Variants in CEP135 observed in about 807,000 individuals in gnomAD.
The protein encoded by CEP135 is centrosomal protein 135.
In CEP135, 142 loss-of-function variants were observed where a neutral mutation model predicts 157.3. The ratio of observed to expected loss-of-function variants is 0.90; its 90% CI spans 0.79 to 1.04. The LOEUF (loss-of-function observed/expected upper bound fraction) is 1.04, where lower values mean the gene tolerates loss of function less well. Among genes scored for constraint, CEP135 ranks in the 50% least tolerant of loss-of-function variants. CEP135 has a pLI of 0.00. For missense variants in CEP135, 1,317 were observed against 1,309.2 expected, an observed-to-expected ratio of 1.01 and a Z score of -0.09; for synonymous variants, 396 against 439.8, an observed-to-expected ratio of 0.90 and a Z score of 1.25.
At chr4:55,967,818 A>G (rs533217993) in intron 8 of CEP135, among the ~76,000 whole-genome samples, 4 of 152,294 alleles carry the variant, frequency 2.6e-5, no homozygotes, top group South Asian at 2.1e-4. Flanking sequence ...ACAACAAACA[A>G]TCATACTCAG....
chr4:55,989,249 G>A (rs1729707589), intron 14 of CEP135, among the ~76,000 whole-genome samples: 1 of 152,142 alleles, frequency 6.6e-6, no homozygotes, highest in South Asian at 2.1e-4. Context: ...AAATGCAGAA[G>A]ATCTTTTTGA....
chr4:55,974,861 T>C lies in CEP135; in HGVS notation c.1365T>C (p.Asp455=). 1 of 1,613,842 alleles carries C rather than the reference T, an allele frequency of 6.2e-7. No homozygotes were observed. Among genetic ancestry groups the C allele is most frequent in the Non-Finnish European group, 8.5e-7 (1 of 1,179,858 alleles). Residue 455 remains aspartate (D), a synonymous_variant, in exon 11 of 26, where the codon GAT becomes GAC. Coordinates refer to ENST00000257287, the MANE Select transcript of CEP135 (RefSeq NM_025009.5). ...TFLKGIEEER[D]YYKKELERLQ... Reference sequence around the variant, plus strand: ...TGAAAGGTATAGAAGAAGAACGAGATTATTATAAGAAAGAGCTAGAGAGAC... The same window carrying C: ...TGAAAGGTATAGAAGAAGAACGAGACTATTATAAGAAAGAGCTAGAGAGAC...
intron 15 of CEP135, among the ~76,000 whole-genome samples, chr4:55,992,779 T>C (rs1729838085): frequency 6.6e-6 from 1 of 152,178 alleles, no homozygotes. Context: ...ATACGATAAG[T>C]AGAACATTTA....
intron 11 of CEP135, 63 bp from the exon 12 acceptor site, chr4:55,980,080 C>A: frequency 7.7e-7 from 1 of 1,306,936 alleles, no homozygotes; most frequent in Non-Finnish European, 1.1e-6. Context: ...TCAATCTCAT[C>A]ATCAGTATCC....
chr4:55,972,661 A>G (rs896360581), intron 10 of CEP135, among the ~76,000 whole-genome samples: 38 of 152,346 alleles, frequency 2.5e-4, no homozygotes, highest in African/African-American at 9.1e-4. Context: ...TGTGGGGCTA[A>G]TGATGACACC....
intron 4 of CEP135, 96 bp from the exon 5 acceptor site, chr4:55,957,127 A>G: frequency 7.8e-7 from 1 of 1,279,050 alleles, no homozygotes; most frequent in South Asian, 1.4e-5. Flanking sequence ...TATGAACTGC[A>G]GACACACTTT....
chr4:56,001,631 C>T (rs1029323508), intron 17 of CEP135, among the ~76,000 whole-genome samples: 7 of 152,118 alleles, frequency 4.6e-5, no homozygotes, highest in African/African-American at 1.7e-4. Context: ...TGTTTTTACA[C>T]CAATACCATG....
At chr4:55,997,891 A>G (rs1730031407) in intron 15 of CEP135, among the ~76,000 whole-genome samples, 1 of 152,338 alleles carries the variant, frequency 6.6e-6, no homozygotes, top group South Asian at 2.1e-4. Flanking sequence ...AACCTCACAC[A>G]TAATTTTAGG....
chr4:55,959,515 G>A (rs1325761544), intron 5 of CEP135, among the ~76,000 whole-genome samples, 167 bp from the exon 6 acceptor site: 1 of 152,136 alleles, frequency 6.6e-6, no homozygotes, highest in Admixed American at 6.5e-5. Flanking sequence ...AACTCTCCAT[G>A]ATGTTGTACT....
At chr4:56,002,440 A>C (rs1170987893) in intron 17 of CEP135, among the ~76,000 whole-genome samples, 1 of 152,064 alleles carries the variant, frequency 6.6e-6, no homozygotes, top group Non-Finnish European at 1.5e-5. Context: ...TTTTACAAAA[A>C]CGGGATGTTG....
At chr4:56,017,548 G>A in intron 21 of CEP135, 100 bp from the exon 22 acceptor site, 2 of 1,044,196 alleles carry the variant, frequency 1.9e-6, no homozygotes, top group Non-Finnish European at 2.7e-6. Flanking sequence ...AAAATTGGCT[G>A]TCATATTTTT....
intron 6 of CEP135, chr4:55,959,984 G>A (rs1300452476): frequency 5.0e-6 from 3 of 599,064 alleles, no homozygotes; most frequent in Non-Finnish European, 8.7e-6. Context: ...CAAGTGTGGT[G>A]GCATGTGCCT....
At chr4:55,995,174 G>A (rs567139713) in intron 15 of CEP135, among the ~76,000 whole-genome samples, 2 of 152,302 alleles carry the variant, frequency 1.3e-5, no homozygotes, top group African/African-American at 4.8e-5. Context: ...ATGCTGTAAA[G>A]GAACTTTTGT....
intron 6 of CEP135, among the ~76,000 whole-genome samples, chr4:55,962,479 T>C (rs1219581304): frequency 1.3e-5 from 2 of 152,220 alleles, no homozygotes; most frequent in Admixed American, 1.3e-4. Context: ...ACTGTCTTAC[T>C]TGATATCTCC....
chr4:55,978,726 T>C (rs2109680806), intron 11 of CEP135, among the ~76,000 whole-genome samples: 1 of 152,288 alleles, frequency 6.6e-6, no homozygotes, highest in African/African-American at 2.4e-5. Flanking sequence ...AATTTTTTAA[T>C]TTTTTGCAGA....
intron 13 of CEP135, among the ~76,000 whole-genome samples, chr4:55,982,100 A>G (rs961703364): frequency 6.6e-6 from 1 of 152,168 alleles, no homozygotes; most frequent in Non-Finnish European, 1.5e-5. Flanking sequence ...GAAGCACATT[A>G]GCGTCACTCC....
chr4:55,954,949 C>T (rs990331295), intron 4 of CEP135, among the ~76,000 whole-genome samples: 10 of 152,060 alleles, frequency 6.6e-5, no homozygotes, highest in East Asian at 5.8e-4. Flanking sequence ...GGCATGGTGG[C>T]GCAAGCCTAT....
chr4:56,017,522 T>C (rs895270769), intron 21 of CEP135, 126 bp from the exon 22 acceptor site: 1 of 703,708 alleles, frequency 1.4e-6, no homozygotes, highest in African/African-American at 1.8e-5. Flanking sequence ...TTCCTGAGAG[T>C]ATTTTAAAAT....
At chr4:55,973,740 T>G (rs1474930316) in intron 10 of CEP135, among the ~76,000 whole-genome samples, 2 of 152,112 alleles carry the variant, frequency 1.3e-5, no homozygotes, top group South Asian at 2.1e-4. Flanking sequence ...ATCAGCGTCT[T>G]GAAAGGTCAG....
Sources: gnomAD v4.1 joint callset for allele counts (sites outside exome capture counted in the v4.1 genomes callset) on GRCh38, gnomAD v4.1.1 for gene constraint, MANE v1.5 for transcripts, NCBI Gene and HGNC (gene_info 2026-07-23, HGNC 2026-07-21) for gene names.